The following CAMK4 variants were observed in gnomAD, a reference collection of about 807,000 sequenced individuals.
CAMK4 encodes the protein calcium/calmodulin dependent protein kinase IV, also known as calcium/calmodulin-dependent protein kinase type IV.
CAMK4 carries 22 observed loss-of-function variants against 44.9 expected under a neutral mutation model. That is an observed-to-expected ratio of 0.49 (90% CI 0.35 to 0.70). The LOEUF is 0.70. Ranked by LOEUF, CAMK4 falls within the 30% of genes least tolerant of loss-of-function variation. The probability of loss-of-function intolerance (pLI) is 0.01; values close to 1 mark genes in which losing one functional copy is unlikely to be tolerated. For synonymous variants in CAMK4, 218 were observed against 215.4 expected (o/e 1.01, Z -0.11); for missense variants, 498 against 586.8 (o/e 0.85, Z 1.56).
chr5:111,403,616 AT>A (rs1752309932), intron 5 of CAMK4, among the ~76,000 whole-genome samples: 1 of 152,184 alleles, frequency 6.6e-6, no homozygotes, highest in African/African-American at 2.4e-5. Flanking sequence ...ATGTTATAAT[AT>A]TTTGATTTAT....
rs191038862 is a variant in CAMK4 at position 111,233,047 on chromosome 5, T to A, written c.161+8403T>A. ...ATTTGACTTTCATATAATTTTCACA[T>A]CACAAAATAGTATTCTTCTTTTGAT... On this transcript the variant is annotated intron_variant, in intron 1 of 10. Transcript: ENST00000282356. Among the ~76,000 whole-genome samples, 411 of 152,240 alleles carry A rather than the reference T, an allele frequency of 2.7e-3. 3 individuals are homozygous for A. The highest frequency in any genetic ancestry group is 9.2e-3 in the African/African-American group (382 of 41,556).
At chr5:111,256,023 T>G (rs748548690) in intron 1 of CAMK4, among the ~76,000 whole-genome samples, 2 of 152,204 alleles carry the variant, frequency 1.3e-5, no homozygotes, top group African/African-American at 4.8e-5. Flanking sequence ...TATTTTGATA[T>G]AGACTAATCG....
intron 7 of CAMK4, among the ~76,000 whole-genome samples, chr5:111,456,864 A>G (rs906066726): frequency 6.6e-6 from 1 of 152,164 alleles, no homozygotes; most frequent in Non-Finnish European, 1.5e-5. Flanking sequence ...AAAATTGGAA[A>G]TGATTGGACA....
chr5:111,450,145 C>A (rs1352565174), intron 7 of CAMK4, among the ~76,000 whole-genome samples: 1 of 151,566 alleles, frequency 6.6e-6, no homozygotes, highest in Non-Finnish European at 1.5e-5. Flanking sequence ...ATGGTAAAAC[C>A]CTATCTCTAC....
chr5:111,365,057 G>C (rs879765433), intron 2 of CAMK4: 2 of 152,072 alleles, frequency 1.3e-5, no homozygotes, highest in African/African-American at 2.4e-5. Context: ...AAAAATCTGG[G>C]AAAAGAGCAT....
intron 1 of CAMK4, among the ~76,000 whole-genome samples, chr5:111,247,210 A>T (rs1749279341): frequency 6.6e-6 from 1 of 151,280 alleles, no homozygotes; most frequent in Non-Finnish European, 1.5e-5. Context: ...GTACATATGT[A>T]AAAATAGTAG....
chr5:111,366,122 G>T (rs565374379), intron 2 of CAMK4, among the ~76,000 whole-genome samples: 6 of 152,206 alleles, frequency 3.9e-5, no homozygotes, highest in East Asian at 3.9e-4. Flanking sequence ...ATGCATTAAT[G>T]ATTTATATTG....
At chr5:111,436,808 A>G (rs1252310975) in intron 5 of CAMK4, among the ~76,000 whole-genome samples, 1 of 152,168 alleles carries the variant, frequency 6.6e-6, no homozygotes, top group African/African-American at 2.4e-5. Context: ...TTCAGACACA[A>G]AGGGTACTGA....
chr5:111,313,112 C>G (rs1240987455), intron 1 of CAMK4, among the ~76,000 whole-genome samples: 1 of 152,050 alleles, frequency 6.6e-6, no homozygotes, highest in Non-Finnish European at 1.5e-5. Flanking sequence ...TTCTCAAACT[C>G]AGCACTGCTC....
intron 5 of CAMK4, among the ~76,000 whole-genome samples, chr5:111,433,791 G>A (rs60251477): frequency 0.035 from 5,380 of 152,270 alleles, 315 homozygotes; most frequent in African/African-American, 0.12. Flanking sequence ...GCTAGGGCAT[G>A]GCAAGAATTG....
At chr5:111,413,313 TCACGCCTGTAATCCCAG>T (rs1450066024) in intron 5 of CAMK4, among the ~76,000 whole-genome samples, 1 of 152,204 alleles carries the variant, frequency 6.6e-6, no homozygotes, top group Admixed American at 6.5e-5. Context: ...GTGCAGTGGC[TCACGCCTGTAATCCCAG>T]CACTTTGGGA....
intron 1 of CAMK4, among the ~76,000 whole-genome samples, chr5:111,240,566 A>C (rs182592774): frequency 1.4e-4 from 21 of 152,310 alleles, no homozygotes; most frequent in African/African-American, 4.6e-4. Context: ...TCATTGCAGT[A>C]CTTAAGAAAA....
At chr5:111,389,342 G>C (rs1038475975) in intron 4 of CAMK4, among the ~76,000 whole-genome samples, 11 of 152,186 alleles carry the variant, frequency 7.2e-5, no homozygotes, top group African/African-American at 2.7e-4. Context: ...ATGAATTTGG[G>C]AGAGACATAA....
chr5:111,276,270 C>T (rs565900948), intron 1 of CAMK4, among the ~76,000 whole-genome samples: 1 of 152,230 alleles, frequency 6.6e-6, no homozygotes, highest in Admixed American at 6.5e-5. Flanking sequence ...CTTTTCTCCC[C>T]TTTTTTGGAG....
chr5:111,466,193 C>T (rs1035253197), intron 7 of CAMK4, among the ~76,000 whole-genome samples: 5 of 152,120 alleles, frequency 3.3e-5, no homozygotes, highest in South Asian at 2.1e-4. Context: ...ATAGAAGGGT[C>T]GTACCTTTAC....
At chr5:111,460,358 AC>A (rs1298041366) in intron 7 of CAMK4, among the ~76,000 whole-genome samples, 4 of 133,058 alleles carry the variant, frequency 3.0e-5, no homozygotes, top group African/African-American at 1.1e-4. Context: ...TGCAACCTCC[AC>A]CTCCCAGGTT....
chr5:111,450,144 C>A (rs1313384540), intron 7 of CAMK4, among the ~76,000 whole-genome samples: 1 of 151,628 alleles, frequency 6.6e-6, no homozygotes, highest in East Asian at 2.0e-4. Flanking sequence ...CATGGTAAAA[C>A]CCTATCTCTA....
Position 111,491,721 on chromosome 5 carries a change from A to G in CAMK4, c.*7255A>G, listed in dbSNP as rs1211867628. ...TTACATTTAAAATTATGTAAATGAC[A>G]TCTTTCACTGGCATTTGCTCACATT... is the stretch of plus-strand genomic sequence containing the variant. On this transcript the variant is annotated 3_prime_UTR_variant, in exon 11 of 11. Transcript: ENST00000282356. 1.3e-5 allele frequency: 2 copies of G among 152,234 alleles called. No homozygotes were observed. The highest frequency in any genetic ancestry group is 3.8e-4 in the East Asian group (2 of 5,198). 9.4% of individuals were successfully genotyped at this position (152,234 alleles called of 1,614,324 possible).
chr5:111,494,442 A>ATTC lies in CAMK4; in HGVS notation c.*9977_*9979dup, dbSNP rs1303549911. 6.6e-6 allele frequency: 1 copy of ATTC among 152,158 alleles called. No homozygotes were observed. The highest frequency in any genetic ancestry group is 2.4e-5 in the African/African-American group (1 of 41,454). The allele number at this position is 152,158 out of a possible 1,614,324, so 9.4% of individuals were successfully genotyped here. A position where few individuals can be genotyped will look rare whatever the true frequency, so the allele number is the denominator to read the frequency against. On this transcript the variant is annotated 3_prime_UTR_variant, in exon 11 of 11. Coordinates refer to ENST00000282356, the MANE Select transcript of CAMK4 (RefSeq NM_001744.6). The stretch of plus-strand genomic sequence containing the variant: ...TACATACAGAAAATGTTTGTAGAGA[A>ATTC]TTCATCAAAATCATGCCCATTTGCT...
Sources: gnomAD v4.1 joint callset for allele counts (sites outside exome capture counted in the v4.1 genomes callset) on GRCh38, gnomAD v4.1.1 for gene constraint, MANE v1.5 for transcripts, NCBI Gene and HGNC (gene_info 2026-07-23, HGNC 2026-07-21) for gene names.